ACVR1: variants seen among roughly 807,000 people sequenced by gnomAD.
ACVR1 encodes the protein activin receptor type-1.
ACVR1 carries 38 observed loss-of-function variants against 57.1 expected under a neutral mutation model. The ratio of observed to expected loss-of-function variants is 0.67; its 90% confidence interval spans 0.51 to 0.87. The LOEUF is 0.87. Ranked by LOEUF, ACVR1 falls within the 40% of genes least tolerant of loss-of-function variation. ACVR1 has a pLI of 0.00. For missense variants in ACVR1, 463 were observed against 638.2 expected, an observed-to-expected ratio of 0.73 and a Z score of 2.96; for synonymous variants, 212 against 228.1, an observed-to-expected ratio of 0.93 and a Z score of 0.63.
At chr2:157,839,533 C>T (rs576712495) in intron 1 of ACVR1, among the ~76,000 whole-genome samples, 9 of 152,304 alleles carry the variant, frequency 5.9e-5, no homozygotes, top group African/African-American at 1.9e-4. Context: ...AAATGGAACA[C>T]GTGTTTTCAG....
At chr2:157,749,283 G>A (rs1190084180) in intron 9 of ACVR1, among the ~76,000 whole-genome samples, 1 of 152,210 alleles carries the variant, frequency 6.6e-6, no homozygotes, top group Non-Finnish European at 1.5e-5. Flanking sequence ...AAAGGCAAGG[G>A]TGAGAGCGCA....
rs1690297474 is a variant in ACVR1, at chr2:157,876,264, CAG to C, written c.-653_-652del. ...CCGGGGGCGGCGGGGGAGACCGTCA[CAG>C]AGAGTAGAAAAGTTCCCCCTGCGCC... On this transcript the variant is annotated 5_prime_UTR_variant, in exon 1 of 11. Coordinates refer to ENST00000434821, the MANE Select transcript of ACVR1 (RefSeq NM_001111067.4). 6.8e-6 allele frequency among the ~76,000 whole-genome samples: 1 copy of C among 147,354 alleles called. No homozygotes were observed. Among genetic ancestry groups the C allele is most frequent in the Admixed American group, 6.7e-5 (1 of 14,996 alleles).
At position 157,873,146 on chromosome 2, in the gene ACVR1, T is replaced by C. The variant is rs540185799; in HGVS notation, c.-183+2650A>G. Among the ~76,000 whole-genome samples, 7 of 152,270 alleles carry C rather than the reference T, an allele frequency of 4.6e-5. No homozygotes were observed. The East Asian group carries it at 1.2e-3, about 25-fold the overall frequency. On this transcript the variant is annotated intron_variant, in intron 1 of 10. Coordinates refer to ENST00000434821, the MANE Select transcript of ACVR1 (RefSeq NM_001111067.4). Reference sequence around the variant, plus strand: ...TAATAGAGTAAGTGGGACTCAGCCATGGTAAACTCAGGAAGACAGTATGTG... The same window carrying C: ...TAATAGAGTAAGTGGGACTCAGCCACGGTAAACTCAGGAAGACAGTATGTG...
At chr2:157,826,218 T>A (rs1688343954) in intron 1 of ACVR1, among the ~76,000 whole-genome samples, 1 of 152,210 alleles carries the variant, frequency 6.6e-6, no homozygotes, top group African/African-American at 2.4e-5. Flanking sequence ...ACTATTTACC[T>A]TCACTAGACA....
chr2:157,814,881 C>T (rs188667377), intron 2 of ACVR1, among the ~76,000 whole-genome samples: 7 of 152,248 alleles, frequency 4.6e-5, no homozygotes, highest in East Asian at 1.9e-4. Flanking sequence ...GTCAGGAGAT[C>T]GTGACCATCC....
At chr2:157,802,340 G>T (rs1440741116) in intron 2 of ACVR1, among the ~76,000 whole-genome samples, 1 of 152,064 alleles carries the variant, frequency 6.6e-6, no homozygotes, top group East Asian at 1.9e-4. Flanking sequence ...TTGAAAAAAC[G>T]CAAGAATGGC....
At chr2:157,770,902 T>G (rs1403790044) in intron 6 of ACVR1, among the ~76,000 whole-genome samples, 1 of 152,220 alleles carries the variant, frequency 6.6e-6, no homozygotes, top group African/African-American at 2.4e-5. Flanking sequence ...TTCAATTGTG[T>G]TCTGAAAGCC....
At chr2:157,844,150 G>A (rs924270780) in intron 1 of ACVR1, among the ~76,000 whole-genome samples, 1 of 152,142 alleles carries the variant, frequency 6.6e-6, no homozygotes, top group African/African-American at 2.4e-5. Flanking sequence ...GGCCGCCCTC[G>A]GCATGGCCCT....
Position 157,766,089 on chromosome 2 carries a change from G to T in ACVR1, c.898C>A (p.Leu300Met). The T allele has an allele frequency of 6.2e-7, 1 of 1,614,134 alleles. No homozygotes were observed. Among genetic ancestry groups the T allele is most frequent in the Non-Finnish European group, 8.5e-7 (1 of 1,179,984 alleles). The change falls in exon 8 of 11, where the codon CTG becomes ATG. Residue 300 changes from leucine to methionine, a missense_variant. Physicochemically the swap from Leu to Met is conservative, Grantham distance 15 (BLOSUM62 2). Coordinates refer to ENST00000434821, the MANE Select transcript of ACVR1 (RefSeq NM_001111067.4). ...ATTCGAAGGCAGCTAACTGTATCCA[G>T]AGTAGTAAGCTGAAGATAGTCGTAC... ...SLYDYLQLTT[L>M]DTVSCLRIVL...
chr2:157,849,181 C>G (rs534623899), intron 1 of ACVR1, among the ~76,000 whole-genome samples: 1 of 152,302 alleles, frequency 6.6e-6, no homozygotes, highest in South Asian at 2.1e-4. Flanking sequence ...TGGGTTGAAT[C>G]CACTGATCAC....
rs16842017 is a variant in ACVR1, at chr2:157,764,141, G to A, written c.1066+1780C>T. On this transcript the variant is annotated intron_variant, in intron 8 of 10. Coordinates refer to ENST00000434821, the MANE Select transcript of ACVR1 (RefSeq NM_001111067.4). The stretch of plus-strand genomic sequence containing the variant: ...CTGGGCCTTACCAGAATCCGGTGAG[G>A]TGGGCTTATTTTTTAGTTACATGAG... Among the ~76,000 whole-genome samples, 373 of 152,124 alleles carry A rather than the reference G, an allele frequency of 2.5e-3. 2 individuals carry two copies. The highest frequency in any genetic ancestry group is 8.5e-3 in the African/African-American group (354 of 41,490).
At chr2:157,858,071 T>C (rs1239065276) in intron 1 of ACVR1, among the ~76,000 whole-genome samples, 2 of 151,922 alleles carry the variant, frequency 1.3e-5, no homozygotes, top group African/African-American at 2.4e-5. Flanking sequence ...TCTAGTGGTC[T>C]CCTCCCTCTC....
rs1684537412 is a variant in ACVR1 at position 157,736,520 on chromosome 2, TA to T, written c.*1010del. 4.1e-6 allele frequency: 1 copy of T among 243,302 alleles called. No individual in the cohort carries two copies. Among genetic ancestry groups the T allele is most frequent in the Non-Finnish European group, 7.8e-6 (1 of 128,760 alleles). 15.1% of individuals were successfully genotyped at this position (243,302 alleles called of 1,614,324 possible). ...AAAAAGTAGATTAAAACAAAATAGT[TA>T]TTTTTTTCTGGCAGAGTTTAAATGC... On this transcript the variant is annotated 3_prime_UTR_variant, in exon 11 of 11. Transcript: ENST00000434821.
At chr2:157,875,555 C>T (rs1015746878) in intron 1 of ACVR1, 1 of 153,242 alleles carries the variant, frequency 6.5e-6, no homozygotes, top group African/African-American at 2.4e-5. Context: ...CGCTCCACGC[C>T]TCTGCCCCCC....
chr2:157,780,565 A>G lies in ACVR1; in HGVS notation c.103T>C (p.Cys35Arg). The G allele has an allele frequency of 6.2e-7, 1 of 1,613,780 alleles. No individual in the cohort carries two copies. Among genetic ancestry groups the G allele is most frequent in the Non-Finnish European group, 8.5e-7 (1 of 1,179,968 alleles). ...CCGCAGGAGAGACCTTCACACACAC[A>G]CATGTAGAGTTTGGGGTTGACCTTG... ...KPKVNPKLYM[C>R]VCEGLSCGNE... is the part of the protein sequence containing the mutation. Residue 35 changes from cysteine to arginine, a missense_variant, in exon 4 of 11, where the codon TGT becomes CGT. Coordinates refer to ENST00000434821, the MANE Select transcript of ACVR1 (RefSeq NM_001111067.4).
intron 1 of ACVR1, among the ~76,000 whole-genome samples, chr2:157,857,976 A>G (rs1052862594): frequency 4.6e-5 from 7 of 152,100 alleles, no homozygotes; most frequent in African/African-American, 1.2e-4. Flanking sequence ...CTACTCCCCA[A>G]ACAAACCCAT....
intron 2 of ACVR1, among the ~76,000 whole-genome samples, 170 bp from the exon 3 acceptor site, chr2:157,799,670 A>G (rs1687253467): frequency 6.6e-6 from 1 of 152,202 alleles, no homozygotes; most frequent in Non-Finnish European, 1.5e-5. Context: ...ATGTGGACCT[A>G]AACATATCAC....
chr2:157,833,307 G>A (rs1046185780), intron 1 of ACVR1, among the ~76,000 whole-genome samples: 1 of 152,150 alleles, frequency 6.6e-6, no homozygotes, highest in African/African-American at 2.4e-5. Context: ...GGACTGAAGA[G>A]GAAGGGCAGA....
chr2:157,870,423 T>A (rs750744158), intron 1 of ACVR1, among the ~76,000 whole-genome samples: 2 of 152,210 alleles, frequency 1.3e-5, no homozygotes, highest in Non-Finnish European at 2.9e-5. Flanking sequence ...GTATTCAAGA[T>A]GAAAAGTTAT....
Sources: gnomAD v4.1 joint callset for allele counts (sites outside exome capture counted in the v4.1 genomes callset) on GRCh38, gnomAD v4.1.1 for gene constraint, MANE v1.5 for transcripts, NCBI Gene and HGNC (gene_info 2026-07-23, HGNC 2026-07-21) for gene names.